ARHGAP26: variants seen among roughly 807,000 people sequenced by gnomAD.
ARHGAP26 encodes rho GTPase-activating protein 26.
A neutral mutation model predicts 104.8 loss-of-function variants in ARHGAP26; 38 were observed. The observed-to-expected ratio is 0.36, with a 90% CI of 0.28 to 0.48. ARHGAP26 has a LOEUF of 0.48. Among genes scored for constraint, ARHGAP26 ranks in the 20% least tolerant of loss-of-function variants. ARHGAP26 has a pLI of 0.99. For synonymous variants in ARHGAP26, 341 were observed against 340.0 expected (o/e 1.00, Z -0.03); for missense variants, 704 against 947.9 (o/e 0.74, Z 3.38).
chr5:143,220,118 C>T (rs1208329863), intron 22 of ARHGAP26, among the ~76,000 whole-genome samples: 1 of 152,240 alleles, frequency 6.6e-6, no homozygotes, highest in Non-Finnish European at 1.5e-5. Context: ...CTCAGTGCAT[C>T]CAGTAGAGTA....
At chr5:143,082,340 C>A (rs1789953575) in intron 17 of ARHGAP26, among the ~76,000 whole-genome samples, 1 of 152,120 alleles carries the variant, frequency 6.6e-6, no homozygotes, top group Non-Finnish European at 1.5e-5. Context: ...GTTTACTGTT[C>A]CCATCCAGAA....
intron 17 of ARHGAP26, among the ~76,000 whole-genome samples, chr5:143,106,965 T>C (rs1330200515): frequency 6.6e-6 from 1 of 152,230 alleles, no homozygotes; most frequent in Non-Finnish European, 1.5e-5. Context: ...CTGGCCTACC[T>C]AAGTTGGTCC....
At chr5:142,867,322 TG>T (rs60569693) in intron 1 of ARHGAP26, among the ~76,000 whole-genome samples, 1 of 148,742 alleles carries the variant, frequency 6.7e-6, no homozygotes, top group East Asian at 2.7e-4. Flanking sequence ...TGTGTGTGTG[TG>T]TGTGTTTTGT....
chr5:143,162,859 TA>T (rs1801436316), intron 20 of ARHGAP26, among the ~76,000 whole-genome samples: 1 of 151,990 alleles, frequency 6.6e-6, no homozygotes, highest in Non-Finnish European at 1.5e-5. Context: ...TATTCCAGGG[TA>T]CAGTGGCCCA....
At chr5:142,859,449 G>A (rs1752940571) in intron 1 of ARHGAP26, among the ~76,000 whole-genome samples, 1 of 152,130 alleles carries the variant, frequency 6.6e-6, no homozygotes, top group Non-Finnish European at 1.5e-5. Flanking sequence ...ATGTGTGGTG[G>A]TATTTTTAAT....
intron 11 of ARHGAP26, among the ~76,000 whole-genome samples, chr5:142,941,900 T>C (rs1339250351): frequency 6.6e-6 from 1 of 152,234 alleles, no homozygotes; most frequent in East Asian, 1.9e-4. Flanking sequence ...ACTCAGGTCT[T>C]AGACATTCTT....
intron 20 of ARHGAP26, among the ~76,000 whole-genome samples, chr5:143,181,557 T>C (rs910740422): frequency 2.0e-5 from 3 of 152,228 alleles, no homozygotes; most frequent in African/African-American, 7.2e-5. Flanking sequence ...ATTTGTCTCA[T>C]TCTCTGTGGG....
intron 1 of ARHGAP26, among the ~76,000 whole-genome samples, chr5:142,828,326 C>A (rs1023052202): frequency 6.6e-6 from 1 of 152,190 alleles, no homozygotes; most frequent in Non-Finnish European, 1.5e-5. Flanking sequence ...TCCACTTTTA[C>A]CCGTGCAGTT....
intron 21 of ARHGAP26, among the ~76,000 whole-genome samples, chr5:143,213,379 CA>C (rs1196358492): frequency 6.6e-6 from 1 of 151,864 alleles, no homozygotes; most frequent in Admixed American, 6.6e-5. Flanking sequence ...TGCTCATGCA[CA>C]CACATGTGTA....
chr5:142,870,167 G>A (rs890214437), intron 1 of ARHGAP26, among the ~76,000 whole-genome samples: 1 of 152,170 alleles, frequency 6.6e-6, no homozygotes. Context: ...GTGCCACGAC[G>A]CTTGGCATGC....
intron 1 of ARHGAP26, among the ~76,000 whole-genome samples, chr5:142,825,598 A>G (rs1311347784): frequency 6.6e-6 from 1 of 152,182 alleles, no homozygotes; most frequent in East Asian, 1.9e-4. Flanking sequence ...AGCCACCTGA[A>G]GTTCAAAGGG....
intron 11 of ARHGAP26, among the ~76,000 whole-genome samples, chr5:143,009,764 C>T (rs1014766194): frequency 1.3e-5 from 2 of 152,104 alleles, no homozygotes; most frequent in African/African-American, 4.8e-5. Flanking sequence ...TAGACTATAC[C>T]TACATCAAAG....
At chr5:143,152,843 T>C (rs1347988606) in intron 20 of ARHGAP26, among the ~76,000 whole-genome samples, 1 of 152,190 alleles carries the variant, frequency 6.6e-6, no homozygotes, top group Non-Finnish European at 1.5e-5. Flanking sequence ...AGCTCAGCAT[T>C]GGGACCACCA....
intron 20 of ARHGAP26, among the ~76,000 whole-genome samples, chr5:143,158,445 G>C (rs1408898702): frequency 6.6e-6 from 1 of 152,028 alleles, no homozygotes; most frequent in African/African-American, 2.4e-5. Context: ...ACGCTGATTA[G>C]GCTAGAAACT....
At chr5:143,012,576 T>TG (rs1554195628) in intron 11 of ARHGAP26, among the ~76,000 whole-genome samples, 1 of 57,032 alleles carries the variant, frequency 1.8e-5, no homozygotes, top group African/African-American at 4.6e-5. Flanking sequence ...TATATATATA[T>TG]TATGATCAGG....
At chr5:143,139,131 G>A (rs1798230006) in intron 19 of ARHGAP26, among the ~76,000 whole-genome samples, 1 of 152,122 alleles carries the variant, frequency 6.6e-6, no homozygotes, top group African/African-American at 2.4e-5. Flanking sequence ...GAGGGGCTGG[G>A]GTGGAAGTAC....
chr5:142,860,038 A>G (rs1182269897), intron 1 of ARHGAP26: 1 of 152,166 alleles, frequency 6.6e-6, no homozygotes. Flanking sequence ...GCTCCCACAC[A>G]TGGTGGGTCC....
chr5:143,005,880 C>T (rs1448399266), intron 11 of ARHGAP26, among the ~76,000 whole-genome samples: 1 of 152,140 alleles, frequency 6.6e-6, no homozygotes, highest in Admixed American at 6.5e-5. Context: ...GGGCCATTTT[C>T]TAAGAGACTG....
At chr5:143,073,851 CT>C (rs1297775712) in intron 17 of ARHGAP26, among the ~76,000 whole-genome samples, 1 of 152,204 alleles carries the variant, frequency 6.6e-6, no homozygotes, top group Non-Finnish European at 1.5e-5. Flanking sequence ...GGAGCAGACT[CT>C]GTGACTCTGA....
Sources: allele counts gnomAD v4.1 joint callset (sites outside exome capture counted in the v4.1 genomes callset), GRCh38; gene constraint gnomAD v4.1.1; transcripts MANE v1.5; gene names NCBI Gene and HGNC (gene_info 2026-07-23, HGNC 2026-07-21).